The following DNAH2 variants were observed in gnomAD, a reference collection of about 807,000 sequenced individuals.
DNAH2 encodes the protein dynein axonemal heavy chain 2, also known as axonemal beta dynein heavy chain 2.
DNAH2 carries 323 observed loss-of-function variants against 523.5 expected under a neutral mutation model. The observed-to-expected ratio is 0.62, with a 90% CI of 0.56 to 0.68. The LOEUF (loss-of-function observed/expected upper bound fraction) is 0.68. Ranked by LOEUF, DNAH2 falls within the 30% of genes least tolerant of loss-of-function variation. The pLI is 0.00. For missense variants in DNAH2, 4,907 were observed against 5,701.5 expected (o/e 0.86, Z 4.49); for synonymous variants, 2,093 against 2,177.4 (o/e 0.96, Z 1.08).
chr17:7,734,107 T>A, intron 5 of DNAH2, 76 bp from the exon 6 acceptor site: 1 of 1,293,592 alleles, frequency 7.7e-7, no homozygotes, highest in Non-Finnish European at 1.1e-6. Context: ...CCCCTACCGA[T>A]CATCAACCGT....
rs1262196773 is a variant in DNAH2 at position 7,719,765 on chromosome 17, T to G, written c.31T>G (p.Leu11Val). 6.2e-7 allele frequency: 1 copy of G among 1,614,222 alleles called. No individual in the cohort carries two copies. The highest frequency in any genetic ancestry group is 1.3e-5 in the African/African-American group (1 of 75,066). Residue 11 changes from leucine to valine, a missense_variant, in exon 2 of 86, where the codon TTG becomes GTG. Physicochemically the swap from Leu to Val is conservative, Grantham distance 32. Coordinates refer to ENST00000572933, the MANE Select transcript of DNAH2 (RefSeq NM_020877.5). MSSKAEKKQRLSGRGSSQASW... is the reference protein window; with the variant it reads MSSKAEKKQRVSGRGSSQASW... ...CAGCAAAGCTGAGAAGAAGCAGCGATTGAGTGGCCGAGGAAGCTCCCAGGC... is the reference window on the plus strand; with the variant it reads ...CAGCAAAGCTGAGAAGAAGCAGCGAGTGAGTGGCCGAGGAAGCTCCCAGGC...
chr17:7,821,512 A>C lies in DNAH2; in HGVS notation c.11142+143A>C. On this transcript the variant is annotated intron_variant, in intron 73 of 85. Coordinates refer to ENST00000572933, the MANE Select transcript of DNAH2 (RefSeq NM_020877.5). The surrounding 1 kb of genome is among the most constrained non-coding windows in gnomAD (Gnocchi z 5.0). ...GAAAATCCAGGCCAGCATCAGGTGC[A>C]TGGTGAGCTCCCTGGGGCTGCGGAG... 1 of 1,229,292 alleles carries C rather than the reference A, an allele frequency of 8.1e-7. No individual in the cohort carries two copies. The allele number at this position is 1,229,292 out of a possible 1,614,324, so 76.1% of individuals were successfully genotyped here. A position where few individuals can be genotyped will look rare whatever the true frequency, so the allele number is the denominator to read the frequency against.
chr17:7,757,112 G>A lies in DNAH2; in HGVS notation c.1926G>A (p.Ala642=). 3 of 1,614,102 alleles carry A rather than the reference G, an allele frequency of 1.9e-6. No homozygotes were observed. The highest frequency in any genetic ancestry group is 2.7e-5 in the African/African-American group (2 of 75,010). The stretch of plus-strand genomic sequence containing the variant: ...AAAGGTCCCTTCTGATTCTCTTTGC[G>A]GAAATTGACTACTGGGAGCGGCTGC... ...NFDKSLLILF[A]EIDYWERLLF... is the part of the protein sequence containing the mutation. Residue 642 remains alanine (A), a synonymous_variant, in exon 13 of 86, where the codon GCG becomes GCA. Coordinates refer to ENST00000572933, the MANE Select transcript of DNAH2 (RefSeq NM_020877.5).
At chr17:7,740,600 G>C in intron 10 of DNAH2, 51 bp downstream of exon 10, 1 of 1,602,506 alleles carries the variant, frequency 6.2e-7, no homozygotes. Context: ...TGCTTTCCTG[G>C]AGTCCCTCCT....
intron 10 of DNAH2, 35 bp downstream of exon 10, chr17:7,740,584 C>G: frequency 1.2e-6 from 2 of 1,608,268 alleles, no homozygotes; most frequent in East Asian, 2.2e-5. Flanking sequence ...GGCTTCCCGT[C>G]CCGCGTGCTT....
intron 43 of DNAH2, 34 bp from the exon 44 acceptor site, chr17:7,788,052 G>C (rs772216532): frequency 1.4e-5 from 23 of 1,613,728 alleles, no homozygotes; most frequent in Non-Finnish European, 1.9e-5. Context: ...AGGACACAAG[G>C]GTGAATGAAG....
chr17:7,782,155 A>G (rs2076619767), intron 39 of DNAH2, among the ~76,000 whole-genome samples: 1 of 152,164 alleles, frequency 6.6e-6, no homozygotes, highest in African/African-American at 2.4e-5. Context: ...AGGATAGGAG[A>G]TGAAACAACC....
At chr17:7,767,609 CTTTT>C (rs373073103) in intron 22 of DNAH2, among the ~76,000 whole-genome samples, 10 of 137,066 alleles carry the variant, frequency 7.3e-5, no homozygotes, top group Non-Finnish European at 1.1e-4. Flanking sequence ...ACTTATTTAC[CTTTT>C]TTTTTTTTTT....
At position 7,801,717 on chromosome 17, in the gene DNAH2, C is replaced by T. The variant is rs1284297938; in HGVS notation, c.8832+7C>T. ...CCTGGGAACTCAGGAGAATGTGAGC[C>T]CCTCCTCCCCACCTCTCATTGCATC... On this transcript the variant is annotated splice_region_variant and intron_variant, in intron 57 of 85. Transcript: ENST00000572933. 6.2e-7 allele frequency: 1 copy of T among 1,613,848 alleles called. No individual in the cohort carries two copies. Among genetic ancestry groups the T allele is most frequent in the Non-Finnish European group, 8.5e-7 (1 of 1,179,960 alleles).
intron 48 of DNAH2, 57 bp from the exon 49 acceptor site, chr17:7,794,197 C>A: frequency 7.6e-7 from 1 of 1,312,666 alleles, no homozygotes; most frequent in Non-Finnish European, 1.0e-6. Flanking sequence ...CCTGTGTCGG[C>A]GCCTCTCTTG....
chr17:7,743,441 G>A (rs1472416318), intron 12 of DNAH2: 9 of 674,246 alleles, frequency 1.3e-5, no homozygotes, highest in African/African-American at 9.0e-5. Flanking sequence ...TGAGGTGGGC[G>A]CATCGCTTGA....
chr17:7,761,900 G>C (rs1346196791), intron 18 of DNAH2, among the ~76,000 whole-genome samples: 3 of 148,316 alleles, frequency 2.0e-5, no homozygotes, highest in Middle Eastern at 7.0e-3. Context: ...GGGCCATGAG[G>C]AGTTAAGAAA....
At chr17:7,735,528 T>G (rs1446709398) in intron 7 of DNAH2, among the ~76,000 whole-genome samples, 1 of 152,108 alleles carries the variant, frequency 6.6e-6, no homozygotes, top group African/African-American at 2.4e-5. Flanking sequence ...AACCTCTACC[T>G]CCTGGGCTCA....
In DNAH2 at chr17:7,750,600, G is replaced by A. The variant is rs138403435; in HGVS notation, c.1905-6491G>A. ...TTTGGCTGGGTTTGGAATTCTAGCCGATTTATAGTAATTGTCTTTGGCTTT... is the reference window on the plus strand; with the variant it reads ...TTTGGCTGGGTTTGGAATTCTAGCCAATTTATAGTAATTGTCTTTGGCTTT... On this transcript the variant is annotated intron_variant, in intron 12 of 85. Transcript: ENST00000572933. Among the ~76,000 whole-genome samples the A allele has an allele frequency of 1.2e-3, 189 of 152,232 alleles. 1 individual carries two copies. The highest frequency in any genetic ancestry group is 4.3e-3 in the African/African-American group (177 of 41,540).
At position 7,780,338 on chromosome 17, in the gene DNAH2, C is replaced by T; in HGVS notation, c.5850+54C>T. 1.2e-6 allele frequency: 2 copies of T among 1,612,294 alleles called. No homozygotes were observed. Among genetic ancestry groups the T allele is most frequent in the Non-Finnish European group, 1.7e-6 (2 of 1,179,264 alleles). ...ATTTTAATTTCCTTTCATAATTATT[C>T]CCTGGACAGAGGAGCTCCCCAAGGG... On this transcript the variant is annotated intron_variant, in intron 37 of 85. Coordinates refer to ENST00000572933, the MANE Select transcript of DNAH2 (RefSeq NM_020877.5). This position sits in a 1 kb window ranked among gnomAD's most constrained non-coding sequence, Gnocchi z 4.4.
Position 7,781,113 on chromosome 17 carries a change from C to T in DNAH2, c.6075C>T (p.Ala2025=), listed in dbSNP as rs188530276. 7 of 1,614,224 alleles carry T rather than the reference C, an allele frequency of 4.3e-6. No homozygotes were observed. The East Asian group carries it at 1.6e-4, about 36-fold the overall frequency. Residue 2025 remains alanine (A), a synonymous_variant, in exon 39 of 86, where the codon GCC becomes GCT. Coordinates refer to ENST00000572933, the MANE Select transcript of DNAH2 (RefSeq NM_020877.5). The part of the protein sequence containing the change: ...LTSVDAPLFN[A]IVQDLFPNIE... The stretch of plus-strand genomic sequence containing the variant: ...CAGTTGATGCACCCCTGTTCAATGC[C>T]ATCGTGCAAGATCTGTTTCCCAACA...
At position 7,799,096 on chromosome 17, in the gene DNAH2, T is replaced by C; in HGVS notation, c.8560-7T>C. 2 of 1,614,034 alleles carry C rather than the reference T, an allele frequency of 1.2e-6. No individual in the cohort carries two copies. The highest frequency in any genetic ancestry group is 1.7e-6 in the Non-Finnish European group (2 of 1,179,972). On this transcript the variant is annotated splice_region_variant and splice_polypyrimidine_tract_variant and intron_variant, in intron 55 of 85. Coordinates refer to ENST00000572933, the MANE Select transcript of DNAH2 (RefSeq NM_020877.5). ...CAGCCCTCTGACCCTGGGTGGCTTCTGTCCAGATCCAGTCGCATATCATAG... is the reference window on the plus strand; with the variant it reads ...CAGCCCTCTGACCCTGGGTGGCTTCCGTCCAGATCCAGTCGCATATCATAG...
chr17:7,798,646 C>T lies in DNAH2; in HGVS notation c.8487C>T (p.Phe2829=). The change falls in exon 55 of 86, where the codon TTC becomes TTT. Residue 2829 remains phenylalanine, a synonymous_variant. Coordinates refer to ENST00000572933, the MANE Select transcript of DNAH2 (RefSeq NM_020877.5). The surrounding 1 kb of genome is among the most constrained non-coding windows in gnomAD (Gnocchi z 5.5). ...FVDTQIADES[F]LEDINNILSS... ...ACACCCAAATAGCTGATGAGTCCTT[C>T]CTAGAGGACATCAACAACATCCTCA... is the stretch of plus-strand genomic sequence containing the variant. 6.2e-7 allele frequency: 1 copy of T among 1,614,136 alleles called. No individual in the cohort carries two copies. The highest frequency in any genetic ancestry group is 1.1e-5 in the South Asian group (1 of 91,086).
chr17:7,733,125 A>G lies in DNAH2; in HGVS notation c.438A>G (p.Pro146=), dbSNP rs1423769522. The change falls in exon 5 of 86, where the codon CCA becomes CCG. Residue 146 remains proline (P), a synonymous_variant. Transcript: ENST00000572933. ...TTGTCTACTTCATTCGCCAAGCACC[A>G]GTTCCCATCACCTGGGAGAACTTCG... The part of the protein sequence containing the change: ...NQLVYFIRQA[P]VPITWENFEA... 1.9e-6 allele frequency: 3 copies of G among 1,614,208 alleles called. No homozygotes were observed. Among genetic ancestry groups the G allele is most frequent in the Non-Finnish European group, 2.5e-6 (3 of 1,180,046 alleles).
Sources: allele counts gnomAD v4.1 joint callset (sites outside exome capture counted in the v4.1 genomes callset), GRCh38; gene constraint gnomAD v4.1.1; non-coding constraint Gnocchi (gnomAD v3.1); transcripts MANE v1.5; gene names NCBI Gene and HGNC (gene_info 2026-07-23, HGNC 2026-07-21).